ATG16L2: variants seen among roughly 807,000 people sequenced by gnomAD.
ATG16L2 encodes autophagy related 16 like 2, also known as protein Atg16l2.
A neutral mutation model predicts 84.7 loss-of-function variants in ATG16L2; 77 were observed. That is an observed-to-expected ratio of 0.91 (90% CI 0.76 to 1.10). The LOEUF (loss-of-function observed/expected upper bound fraction) is 1.10, where lower values mean the gene tolerates loss of function less well. ATG16L2 is among the 50% of genes least tolerant of loss of function. ATG16L2 has a pLI of 0.00. For missense variants in ATG16L2, 782 were observed against 817.6 expected (o/e 0.96, Z 0.53); for synonymous variants, 361 against 342.8 (o/e 1.05, Z -0.59).
intron 10 of ATG16L2, 114 bp from the exon 11 acceptor site, chr11:72,826,059 C>G: frequency 1.2e-6 from 1 of 837,230 alleles, no homozygotes; most frequent in Non-Finnish European, 1.9e-6. Flanking sequence ...GTCTTCTAAC[C>G]TGGGGATGTG....
chr11:72,828,697 T>G, intron 15 of ATG16L2, 32 bp from the exon 16 acceptor site: 1 of 1,613,802 alleles, frequency 6.2e-7, no homozygotes. Context: ...AGTGATGACC[T>G]CTGTTCTGAC....
At position 72,820,940 on chromosome 11, in the gene ATG16L2, C is replaced by T. The variant is rs1425715461; in HGVS notation, c.319-728C>T. On this transcript the variant is annotated intron_variant, in intron 3 of 17. Transcript: ENST00000321297. ...GCTGTTCCCATATTGAGTCTGGGCC[C>T]TGGCTCCCCGAGTCCATGCCTGATC... 1.3e-5 allele frequency among the ~76,000 whole-genome samples: 2 copies of T among 152,048 alleles called. 1 individual carries two copies.
At chr11:72,843,612 G>GTTAGATAAGGAGCAGATGTGAGCT (rs1861034265) in exon 6 of ATG16L2, 2 of 861,860 alleles carry the variant, frequency 2.3e-6, no homozygotes, top group Non-Finnish European at 3.8e-6. Context: ...CAAAAACTGG[G>GTTAGATAAGGAGCAGATGTGAGCT]GATCAAAATA....
At chr11:72,834,537 C>T (rs1860676443), downstream of ATG16L2, among the ~76,000 whole-genome samples, 2 of 151,876 alleles carry the variant, frequency 1.3e-5, no homozygotes, top group African/African-American at 4.8e-5. Flanking sequence ...ACAACTCATC[C>T]AGGGCATGAG....
At chr11:72,841,908 A>G (rs1053596039) in intron 5 of ATG16L2, among the ~76,000 whole-genome samples, 3 of 152,236 alleles carry the variant, frequency 2.0e-5, no homozygotes, top group Non-Finnish European at 2.9e-5. Flanking sequence ...GAACAACAAC[A>G]ACAAAAGGAA....
Position 72,826,757 on chromosome 11 carries a change from A to G in ATG16L2, c.1300A>G (p.Arg434Gly). 6.2e-7 allele frequency: 1 copy of G among 1,614,072 alleles called. No individual in the cohort carries two copies. Among genetic ancestry groups the G allele is most frequent in the African/African-American group, 1.3e-5 (1 of 75,026 alleles). Reference sequence around the variant, plus strand: ...GACAGCTGCCAAATTCAAGCTAACGAGGCACCAGGCAGTGACTGGGAGCCG... The same window carrying G: ...GACAGCTGCCAAATTCAAGCTAACGGGGCACCAGGCAGTGACTGGGAGCCG... Reference protein sequence around the residue: ...KVTAAKFKLTRHQAVTGSRDR... With the variant: ...KVTAAKFKLTGHQAVTGSRDR... Residue 434 changes from arginine (R) to glycine (G), a missense_variant, in exon 13 of 18, where the codon AGG (arginine) becomes GGG (glycine). Physicochemically the swap from Arg to Gly is moderately radical, Grantham distance 125. Transcript: ENST00000321297.
chr11:72,843,374 G>A (rs756759778), exon 6 of ATG16L2: 12 of 1,610,624 alleles, frequency 7.5e-6, no homozygotes, highest in Non-Finnish European at 1.0e-5. Flanking sequence ...ACACAATTTA[G>A]ACAGGGCACA....
intron 2 of ATG16L2, among the ~76,000 whole-genome samples, chr11:72,817,441 G>A (rs577011578): frequency 5.3e-5 from 8 of 152,130 alleles, no homozygotes; most frequent in African/African-American, 9.7e-5. Flanking sequence ...GGATGGTCTC[G>A]ATCTCTTGAT....
In ATG16L2 at chr11:72,826,485, T is replaced by C. The variant is rs987312012; in HGVS notation, c.1174-33T>C. The C allele has an allele frequency of 3.1e-6, 5 of 1,613,016 alleles. No individual in the cohort carries two copies. The African/African-American group carries it at 5.3e-5, about 17-fold the overall frequency. On this transcript the variant is annotated intron_variant, in intron 11 of 17. Coordinates refer to ENST00000321297, the MANE Select transcript of ATG16L2 (RefSeq NM_033388.2). The stretch of plus-strand genomic sequence containing the variant: ...GGCCCGAAGAATGTTGCCTCCGGCT[T>C]AGCACCTCTCACTTCCTCTCCCATT...
chr11:72,817,685 G>A (rs1037540602), intron 2 of ATG16L2, 71 bp from the exon 3 acceptor site: 3 of 1,452,328 alleles, frequency 2.1e-6, no homozygotes, highest in Non-Finnish European at 2.9e-6. Flanking sequence ...TTTTCATGTA[G>A]CATCACTTGG....
intron 3 of ATG16L2, chr11:72,818,187 A>G: frequency 3.4e-6 from 1 of 291,430 alleles, no homozygotes; most frequent in East Asian, 7.3e-5. Flanking sequence ...GCACCAGTTG[A>G]TGCTCAATAT....
intron 4 of ATG16L2, 48 bp downstream of exon 4, chr11:72,821,789 C>T (rs1380744215): frequency 2.6e-6 from 4 of 1,520,228 alleles, no homozygotes; most frequent in Admixed American, 4.1e-5. Flanking sequence ...CTCAGGGAGG[C>T]CCGGGGCCAA....
downstream of ATG16L2, among the ~76,000 whole-genome samples, chr11:72,833,926 A>AG (rs1243457058): frequency 1.6e-5 from 2 of 127,806 alleles, no homozygotes; most frequent in African/African-American, 5.6e-5. Flanking sequence ...CGTCTCAAAA[A>AG]AAAAAATTTT....
intron 7 of ATG16L2, chr11:72,823,176 C>T (rs1565265702): frequency 2.0e-6 from 1 of 496,818 alleles, no homozygotes; most frequent in African/African-American, 2.0e-5. Flanking sequence ...TACCCTCAAC[C>T]CTTTCCCTCC....
chr11:72,827,945 CCAAAACCAAAAA>C (rs1365081290), intron 14 of ATG16L2, among the ~76,000 whole-genome samples: 3 of 152,088 alleles, frequency 2.0e-5, no homozygotes, highest in Non-Finnish European at 4.4e-5. Flanking sequence ...AAAAACAAAA[CCAAAACCAAAAA>C]CAAAACAAAA....
At chr11:72,830,675 A>G (rs1188677566), downstream of ATG16L2, among the ~76,000 whole-genome samples, 2 of 152,048 alleles carry the variant, frequency 1.3e-5, no homozygotes, top group African/African-American at 4.8e-5. Context: ...CACAAGTCCA[A>G]TCCTTTGGAG....
Position 72,822,781 on chromosome 11 carries a change from C to A in ATG16L2, c.711-67C>A. 1 of 1,259,930 alleles carries A rather than the reference C, an allele frequency of 7.9e-7. No homozygotes were observed. The highest frequency in any genetic ancestry group is 1.1e-6 in the Non-Finnish European group (1 of 901,884). The allele number at this position is 1,259,930 out of a possible 1,614,324, so 78.0% of individuals were successfully genotyped here. A position where few individuals can be genotyped will look rare whatever the true frequency, so the allele number is the denominator to read the frequency against. ...CTGGGAATTCCTGTCTTCAGCGTATCCTGTGCTGGGGTCGGGAGGGGCTGG... is the reference window on the plus strand; with the variant it reads ...CTGGGAATTCCTGTCTTCAGCGTATACTGTGCTGGGGTCGGGAGGGGCTGG... On this transcript the variant is annotated intron_variant, in intron 6 of 17. Transcript: ENST00000321297. The surrounding 1 kb of genome is among the most constrained non-coding windows in gnomAD (Gnocchi z 4.2).
At chr11:72,841,655 C>T in intron 5 of ATG16L2, 1 of 1,425,826 alleles carries the variant, frequency 7.0e-7, no homozygotes, top group Admixed American at 2.8e-5. Flanking sequence ...TCTCTGACTG[C>T]TCTGTACTCA....
intron 5 of ATG16L2, chr11:72,841,436 G>T: frequency 6.2e-7 from 1 of 1,605,842 alleles, no homozygotes; most frequent in East Asian, 2.2e-5. Flanking sequence ...TTAGACCCAT[G>T]CCCAGGAGAA....
Sources: allele counts gnomAD v4.1 joint callset (sites outside exome capture counted in the v4.1 genomes callset), GRCh38; gene constraint gnomAD v4.1.1; non-coding constraint Gnocchi (gnomAD v3.1); transcripts MANE v1.5; gene names NCBI Gene and HGNC (gene_info 2026-07-23, HGNC 2026-07-21).